Variants in KCNIP4 observed in about 807,000 individuals in gnomAD.
KCNIP4 encodes the protein Kv channel-interacting protein 4.
KCNIP4 carries 12 observed loss-of-function variants against 34.0 expected under a neutral mutation model. The ratio of observed to expected loss-of-function variants is 0.35; its 90% CI spans 0.23 to 0.57. The LOEUF is 0.57. Ranked by LOEUF, KCNIP4 falls within the 20% of genes least tolerant of loss-of-function variation. KCNIP4 has a pLI of 0.83. For synonymous variants in KCNIP4, 124 were observed against 102.2 expected, an observed-to-expected ratio of 1.21 and a Z score of -1.29; for missense variants, 238 against 311.7, an observed-to-expected ratio of 0.76 and a Z score of 1.78.
chr4:20,824,470 G>A (rs756911319), intron 3 of KCNIP4, among the ~76,000 whole-genome samples: 2 of 151,944 alleles, frequency 1.3e-5, no homozygotes, highest in Non-Finnish European at 2.9e-5. Context: ...TTATGAGGTC[G>A]AGAAATCAAG....
At chr4:21,169,534 A>C (rs1347096810) in intron 1 of KCNIP4, among the ~76,000 whole-genome samples, 1 of 152,252 alleles carries the variant, frequency 6.6e-6, no homozygotes, top group East Asian at 1.9e-4. Flanking sequence ...ACTGGCAAAA[A>C]TAGATATTAG....
At chr4:21,068,655 C>T (rs1378001778) in intron 1 of KCNIP4, among the ~76,000 whole-genome samples, 1 of 152,114 alleles carries the variant, frequency 6.6e-6, no homozygotes, top group Admixed American at 6.6e-5. Flanking sequence ...GATATCCCTC[C>T]TCTTCAATGA....
In KCNIP4 at chr4:21,146,396, C is replaced by CA. The variant is rs1290494395; in HGVS notation, c.62-263688dup. ...CTGGGCGACAGAGCGAGACTCGTCT[C>CA]AAAAAAAAGAAAAAAAAAAGTGGAA... On this transcript the variant is annotated intron_variant, in intron 1 of 8. Coordinates refer to ENST00000382152, the MANE Select transcript of KCNIP4 (RefSeq NM_025221.6). 5.4e-5 allele frequency among the ~76,000 whole-genome samples: 7 copies of CA among 129,516 alleles called. No homozygotes were observed. The East Asian group carries it at 1.5e-3, about 27-fold the overall frequency. 85.0% of individuals were successfully genotyped at this position (129,516 alleles called of 152,430 possible). A position where few individuals can be genotyped will look rare whatever the true frequency, so the allele number is the denominator to read the frequency against.
chr4:21,873,794 T>C (rs935996820), intron 1 of KCNIP4, among the ~76,000 whole-genome samples: 12 of 152,224 alleles, frequency 7.9e-5, no homozygotes, highest in African/African-American at 2.9e-4. Flanking sequence ...TAAATAGGTC[T>C]TGTAGGAGTA....
At chr4:21,079,847 C>A (rs553226769) in intron 1 of KCNIP4, among the ~76,000 whole-genome samples, 1 of 151,782 alleles carries the variant, frequency 6.6e-6, no homozygotes, top group Non-Finnish European at 1.5e-5. Context: ...GATGCAACTG[C>A]TAGATTTGAA....
At chr4:21,081,079 T>C (rs1003796818) in intron 1 of KCNIP4, among the ~76,000 whole-genome samples, 5 of 151,792 alleles carry the variant, frequency 3.3e-5, no homozygotes, top group Non-Finnish European at 7.4e-5. Context: ...AACTGTCTTA[T>C]ATAGTCTGCT....
intron 1 of KCNIP4, among the ~76,000 whole-genome samples, chr4:21,432,091 C>T (rs1577350638): frequency 2.7e-5 from 1 of 36,382 alleles, no homozygotes; most frequent in Non-Finnish European, 5.7e-5. Flanking sequence ...AAAATGGAAG[C>T]ATATATATAT....
chr4:21,195,157 G>C (rs906284096), intron 1 of KCNIP4, among the ~76,000 whole-genome samples: 1 of 152,158 alleles, frequency 6.6e-6, no homozygotes, highest in Non-Finnish European at 1.5e-5. Context: ...TCTCCCTCAA[G>C]GTCATTGATG....
chr4:21,292,629 T>C (rs955339575), intron 1 of KCNIP4, among the ~76,000 whole-genome samples: 4 of 152,182 alleles, frequency 2.6e-5, no homozygotes, highest in Non-Finnish European at 5.9e-5. Context: ...CTGATAAGAC[T>C]ATATGGTATT....
At chr4:20,861,221 C>T (rs1235223382) in intron 2 of KCNIP4, among the ~76,000 whole-genome samples, 1 of 152,098 alleles carries the variant, frequency 6.6e-6, no homozygotes, top group Non-Finnish European at 1.5e-5. Flanking sequence ...GGGGCCAGGC[C>T]CTGTAAGCAA....
At chr4:21,600,680 G>C (rs1322841537) in intron 1 of KCNIP4, among the ~76,000 whole-genome samples, 3 of 151,840 alleles carry the variant, frequency 2.0e-5, no homozygotes, top group African/African-American at 7.3e-5. Flanking sequence ...CCTAGTACTG[G>C]TAAACACTCA....
intron 1 of KCNIP4, among the ~76,000 whole-genome samples, chr4:21,576,742 C>A (rs906600259): frequency 1.3e-5 from 2 of 152,056 alleles, no homozygotes; most frequent in African/African-American, 2.4e-5. Context: ...TAACCCTGAC[C>A]TCATAACATT....
In KCNIP4 at chr4:21,015,657, T is replaced by TATTAATATAATATAATATAGTATATTGC. The variant is rs1168524478; in HGVS notation, c.62-132976_62-132949dup. On this transcript the variant is annotated intron_variant, in intron 1 of 8. Coordinates refer to ENST00000382152, the MANE Select transcript of KCNIP4 (RefSeq NM_025221.6). ...TAATATAATATAATATAGTATATTG[T>TATTAATATAATATAATATAGTATATTGC]ATTAATATAATATAATATAGTATAT... is the stretch of plus-strand genomic sequence containing the variant. Among the ~76,000 whole-genome samples, 28 of 69,236 alleles carry TATTAATATAATATAATATAGTATATTGC rather than the reference T, an allele frequency of 4.0e-4. 1 individual carries two copies. The highest frequency in any genetic ancestry group is 5.7e-4 in the Non-Finnish European group (22 of 38,910). 45.4% of individuals were successfully genotyped at this position (69,236 alleles called of 152,430 possible). A position where few individuals can be genotyped will look rare whatever the true frequency, so the allele number is the denominator to read the frequency against.
intron 3 of KCNIP4, among the ~76,000 whole-genome samples, chr4:20,774,978 C>G (rs141059249): frequency 6.6e-6 from 1 of 152,174 alleles, no homozygotes; most frequent in Non-Finnish European, 1.5e-5. Flanking sequence ...CAATCCCAAT[C>G]GCATTCTAAA....
At chr4:21,680,720 T>C (rs763422876) in intron 1 of KCNIP4, among the ~76,000 whole-genome samples, 67 of 152,220 alleles carry the variant, frequency 4.4e-4, no homozygotes, top group Non-Finnish European at 8.8e-4. Flanking sequence ...AGCTCTTGAA[T>C]GACTAGGCGC....
At chr4:21,767,986 T>C (rs1718537055) in intron 1 of KCNIP4, among the ~76,000 whole-genome samples, 1 of 152,098 alleles carries the variant, frequency 6.6e-6, no homozygotes. Flanking sequence ...TCAAAACTGA[T>C]CCTTGCTGAA....
chr4:20,865,542 T>A (rs1190704608), intron 2 of KCNIP4, among the ~76,000 whole-genome samples: 2 of 151,912 alleles, frequency 1.3e-5, no homozygotes, highest in African/African-American at 4.8e-5. Flanking sequence ...AAAAAGAAGA[T>A]CCTACTATTT....
Position 21,880,340 on chromosome 4 carries a change from G to C in KCNIP4, c.61+68231C>G, listed in dbSNP as rs1400176789. ...ATCAGCAGAATTATTGAGTTGAAAG[G>C]TATGAAATTTTAAGGCATTCCATGT... On this transcript the variant is annotated intron_variant, in intron 1 of 8. Coordinates refer to ENST00000382152, the MANE Select transcript of KCNIP4 (RefSeq NM_025221.6). 3.9e-5 allele frequency among the ~76,000 whole-genome samples: 6 copies of C among 152,056 alleles called. No homozygotes were observed. In the South Asian group the frequency reaches 1.2e-3, roughly 32 times the overall value.
At chr4:21,054,095 A>G (rs994938420) in intron 1 of KCNIP4, among the ~76,000 whole-genome samples, 2 of 152,234 alleles carry the variant, frequency 1.3e-5, no homozygotes, top group African/African-American at 2.4e-5. Context: ...AAATGTCAAT[A>G]TTACGTAGAT....
Sources: gnomAD v4.1 joint callset for allele counts (sites outside exome capture counted in the v4.1 genomes callset) on GRCh38, gnomAD v4.1.1 for gene constraint, MANE v1.5 for transcripts, NCBI Gene and HGNC (gene_info 2026-07-23, HGNC 2026-07-21) for gene names.